The following MFSD6 variants were observed in gnomAD, a reference collection of about 807,000 sequenced individuals.
The protein encoded by MFSD6 is major facilitator superfamily domain-containing protein 6.
In MFSD6, 26 loss-of-function variants were observed where a neutral mutation model predicts 56.3. The ratio of observed to expected loss-of-function variants is 0.46; its 90% confidence interval spans 0.34 to 0.64. MFSD6 has a LOEUF of 0.64. Among genes scored for constraint, MFSD6 ranks in the 30% least tolerant of loss-of-function variants. MFSD6 has a pLI of 0.01. For synonymous variants in MFSD6, 331 were observed against 366.9 expected (o/e 0.90, Z 1.12); for missense variants, 750 against 986.2 (o/e 0.76, Z 3.21).
Position 190,499,546 on chromosome 2 carries a change from G to A in MFSD6, c.2173-469G>A, listed in dbSNP as rs1384784488. Among the ~76,000 whole-genome samples the A allele has an allele frequency of 6.6e-6, 1 of 152,166 alleles. No individual in the cohort carries two copies. The highest frequency in any genetic ancestry group is 1.5e-5 in the Non-Finnish European group (1 of 68,042). ...ATATATATCAGGACTCTTAATTACA[G>A]GACATTCTTTCCCAGCTCTGCCTCC... On this transcript the variant is annotated intron_variant, in intron 7 of 7. Transcript: ENST00000392328. This position sits in a 1 kb window ranked among gnomAD's most constrained non-coding sequence, Gnocchi z 6.0.
chr2:190,434,734 AAC>A lies in MFSD6; in HGVS notation c.-53-1240_-53-1239del, dbSNP rs1024270899. 6.6e-6 allele frequency among the ~76,000 whole-genome samples: 1 copy of A among 152,138 alleles called. No individual in the cohort carries two copies. The highest frequency in any genetic ancestry group is 1.5e-5 in the Non-Finnish European group (1 of 68,014). The stretch of plus-strand genomic sequence containing the variant: ...GGTGTGAGCCACCGCGCCCGGCCAA[AAC>A]ACTGTTTTTCAAAAAAGTTTACTGG... On this transcript the variant is annotated intron_variant, in intron 2 of 7. Coordinates refer to ENST00000392328, the MANE Select transcript of MFSD6 (RefSeq NM_017694.4). The surrounding 1 kb of genome is among the most constrained non-coding windows in gnomAD (Gnocchi z 4.3).
rs554100089 is a variant in MFSD6, at chr2:190,447,310, G to A, written c.1532+9749G>A. Among the ~76,000 whole-genome samples the A allele has an allele frequency of 2.0e-5, 3 of 152,324 alleles. No homozygotes were observed. The South Asian group carries it at 6.2e-4, about 32-fold the overall frequency. ...GCTGGCAATGTTCTGTTAGACATGA[G>A]TGATTGAGCGAAACTGTGAGGTTAG... On this transcript the variant is annotated intron_variant, in intron 3 of 7. Coordinates refer to ENST00000392328, the MANE Select transcript of MFSD6 (RefSeq NM_017694.4). The surrounding 1 kb of genome is among the most constrained non-coding windows in gnomAD (Gnocchi z 4.5).
rs562546134 is a variant in MFSD6 at position 190,492,669 on chromosome 2, C to T, written c.1891+2803C>T. ...CAATGCTAACAAAACAAAACAATTACCAGCCAAGAATTTTGTATCCAGTGA... is the reference window on the plus strand; with the variant it reads ...CAATGCTAACAAAACAAAACAATTATCAGCCAAGAATTTTGTATCCAGTGA... On this transcript the variant is annotated intron_variant, in intron 6 of 7. Coordinates refer to ENST00000392328, the MANE Select transcript of MFSD6 (RefSeq NM_017694.4). This position sits in a 1 kb window ranked among gnomAD's most constrained non-coding sequence, Gnocchi z 5.2. 2.0e-5 allele frequency among the ~76,000 whole-genome samples: 3 copies of T among 152,224 alleles called. No homozygotes were observed. Among genetic ancestry groups the T allele is most frequent in the East Asian group, 1.9e-4 (1 of 5,186 alleles).
In MFSD6 at chr2:190,417,900, A is replaced by G. The variant is rs1690845031; in HGVS notation, c.-54+2487A>G. Among the ~76,000 whole-genome samples, 1 of 151,662 alleles carries G rather than the reference A, an allele frequency of 6.6e-6. No individual in the cohort carries two copies. The highest frequency in any genetic ancestry group is 1.5e-5 in the Non-Finnish European group (1 of 67,978). On this transcript the variant is annotated intron_variant, in intron 2 of 7. Coordinates refer to ENST00000392328, the MANE Select transcript of MFSD6 (RefSeq NM_017694.4). This position sits in a 1 kb window ranked among gnomAD's most constrained non-coding sequence, Gnocchi z 5.7. ...TTGTCCCTAATATCTTTTAGTTAAT[A>G]AATTATATAGGGCTATGTGGCTTTT...
At position 190,489,903 on chromosome 2, in the gene MFSD6, T is replaced by A. The variant is rs1689233292; in HGVS notation, c.1891+37T>A. ...CATTCTTTCTTAATATTCCTAACAG[T>A]TCAGGCCATGGGAAGTCAACAAATG... On this transcript the variant is annotated intron_variant, in intron 6 of 7. Transcript: ENST00000392328. The surrounding 1 kb of genome is among the most constrained non-coding windows in gnomAD (Gnocchi z 6.6). 3 of 1,570,998 alleles carry A rather than the reference T, an allele frequency of 1.9e-6. No homozygotes were observed. Among genetic ancestry groups the A allele is most frequent in the Non-Finnish European group, 8.7e-7 (1 of 1,155,622 alleles).
chr2:190,439,407 C>T lies in MFSD6; in HGVS notation c.1532+1846C>T, dbSNP rs984485767. Among the ~76,000 whole-genome samples the T allele has an allele frequency of 8.6e-5, 13 of 151,848 alleles. No homozygotes were observed. The highest frequency in any genetic ancestry group is 7.7e-4 in the East Asian group (4 of 5,180). On this transcript the variant is annotated intron_variant, in intron 3 of 7. Transcript: ENST00000392328. This position sits in a 1 kb window ranked among gnomAD's most constrained non-coding sequence, Gnocchi z 5.8. ...ATTATACTTTAAGTTTTAGGGTACACGTGCACAACGTGCAGATTTGTTGCA... is the reference window on the plus strand; with the variant it reads ...ATTATACTTTAAGTTTTAGGGTACATGTGCACAACGTGCAGATTTGTTGCA...
chr2:190,480,035 C>T (rs1054915694), intron 4 of MFSD6, among the ~76,000 whole-genome samples: 4 of 152,124 alleles, frequency 2.6e-5, no homozygotes, highest in South Asian at 2.1e-4. Flanking sequence ...TGGTGGCATG[C>T]GCCTGTGGTC....
Position 190,500,405 on chromosome 2 carries a change from A to G in MFSD6, c.*187A>G. 2 of 630,802 alleles carry G rather than the reference A, an allele frequency of 3.2e-6. No homozygotes were observed. The highest frequency in any genetic ancestry group is 5.4e-6 in the Non-Finnish European group (2 of 369,160). The allele number at this position is 630,802 out of a possible 1,614,324, so 39.1% of individuals were successfully genotyped here. ...ACAGTACATATTGGCAGGAAAAGGT[A>G]AACTTTCGTAATCTCATTGGAATTA... On this transcript the variant is annotated 3_prime_UTR_variant, in exon 8 of 8. Coordinates refer to ENST00000392328, the MANE Select transcript of MFSD6 (RefSeq NM_017694.4). The surrounding 1 kb of genome is among the most constrained non-coding windows in gnomAD (Gnocchi z 5.3).
At position 190,433,779 on chromosome 2, in the gene MFSD6, A is replaced by G. The variant is rs1029560366; in HGVS notation, c.-53-2198A>G. On this transcript the variant is annotated intron_variant, in intron 2 of 7. Coordinates refer to ENST00000392328, the MANE Select transcript of MFSD6 (RefSeq NM_017694.4). This position sits in a 1 kb window ranked among gnomAD's most constrained non-coding sequence, Gnocchi z 4.5. ...ACCTAGGAGCTTTGTAGAGATTAAA[A>G]AATGCTTACAAGTATAATTTTAGAA... 2.8e-4 allele frequency among the ~76,000 whole-genome samples: 42 copies of G among 152,356 alleles called. No homozygotes were observed. The highest frequency in any genetic ancestry group is 9.9e-4 in the African/African-American group (41 of 41,582).
rs1685681427 is a variant in MFSD6, at chr2:190,423,095, T to G, written c.-54+7682T>G. Among the ~76,000 whole-genome samples, 1 of 152,246 alleles carries G rather than the reference T, an allele frequency of 6.6e-6. No individual in the cohort carries two copies. The highest frequency in any genetic ancestry group is 2.4e-5 in the African/African-American group (1 of 41,462). ...ATTTTGAGATCATTGTGGATTCACA[T>G]GTAGTTGTTAGAAATAATAGAGCAA... is the stretch of plus-strand genomic sequence containing the variant. On this transcript the variant is annotated intron_variant, in intron 2 of 7. Transcript: ENST00000392328. This position sits in a 1 kb window ranked among gnomAD's most constrained non-coding sequence, Gnocchi z 4.3.
Position 190,490,664 on chromosome 2 carries a change from G to T in MFSD6, c.1891+798G>T, listed in dbSNP as rs1281780182. Among the ~76,000 whole-genome samples, 1 of 152,170 alleles carries T rather than the reference G, an allele frequency of 6.6e-6. No individual in the cohort carries two copies. The highest frequency in any genetic ancestry group is 1.5e-5 in the Non-Finnish European group (1 of 68,036). The stretch of plus-strand genomic sequence containing the variant: ...ATTAAGATTGTTCTACCAAAAGGAG[G>T]TTATATCAAATATTAATATGTAGAT... On this transcript the variant is annotated intron_variant, in intron 6 of 7. Coordinates refer to ENST00000392328, the MANE Select transcript of MFSD6 (RefSeq NM_017694.4). The surrounding 1 kb of genome is among the most constrained non-coding windows in gnomAD (Gnocchi z 4.5).
In MFSD6 at chr2:190,412,915, A is replaced by C. The variant is rs189477811; in HGVS notation, c.-175-2377A>C. Reference sequence around the variant, plus strand: ...GGCTGGGCAACTTTTGGAATCTACCAGTCATTTGTTCAGACAAGTGATGTT... The same window carrying C: ...GGCTGGGCAACTTTTGGAATCTACCCGTCATTTGTTCAGACAAGTGATGTT... On this transcript the variant is annotated intron_variant, in intron 1 of 7. Coordinates refer to ENST00000392328, the MANE Select transcript of MFSD6 (RefSeq NM_017694.4). The surrounding 1 kb of genome is among the most constrained non-coding windows in gnomAD (Gnocchi z 4.1). 6.6e-6 allele frequency among the ~76,000 whole-genome samples: 1 copy of C among 152,356 alleles called. No homozygotes were observed. The highest frequency in any genetic ancestry group is 2.4e-5 in the African/African-American group (1 of 41,578).
intron 4 of MFSD6, among the ~76,000 whole-genome samples, chr2:190,481,146 C>G (rs1442733566): frequency 1.3e-5 from 2 of 152,156 alleles, no homozygotes; most frequent in Non-Finnish European, 2.9e-5. Flanking sequence ...TATAATGTTG[C>G]CAAGTCTTAA....
chr2:190,420,919 T>C (rs1202386671), intron 2 of MFSD6, among the ~76,000 whole-genome samples: 1 of 152,214 alleles, frequency 6.6e-6, no homozygotes, highest in Non-Finnish European at 1.5e-5. Context: ...CATTTATATA[T>C]GGGATACTGA....
In MFSD6 at chr2:190,436,637, A is replaced by G; in HGVS notation, c.608A>G (p.Glu203Gly). ...ATGCGTGAGAAAAGAAACCTTTTGGAAACAAGGCTCAATGTCTCAGACACC... is the reference window on the plus strand; with the variant it reads ...ATGCGTGAGAAAAGAAACCTTTTGGGAACAAGGCTCAATGTCTCAGACACC... ...PKMREKRNLL[E>G]TRLNVSDTVT... is the part of the protein sequence containing the mutation. Residue 203 changes from glutamate to glycine, a missense_variant, in exon 3 of 8, where the codon GAA becomes GGA. Around this residue, in one of 5 missense-constraint regions of MFSD6, gnomAD observed 376 missense variants for 437.9 expected, o/e 0.86. Transcript: ENST00000392328. The surrounding 1 kb of genome is among the most constrained non-coding windows in gnomAD (Gnocchi z 5.3). The G allele has an allele frequency of 6.2e-7, 1 of 1,614,206 alleles. No homozygotes were observed. The highest frequency in any genetic ancestry group is 8.5e-7 in the Non-Finnish European group (1 of 1,180,036).
intron 2 of MFSD6, among the ~76,000 whole-genome samples, chr2:190,420,071 T>A (rs1037569804): frequency 9.2e-5 from 14 of 152,164 alleles, no homozygotes; most frequent in Admixed American, 5.9e-4. Context: ...TTTCTTTTTT[T>A]AAAAAAGCAT....
rs1196262399 is a variant in MFSD6, at chr2:190,431,130, C to T, written c.-53-4847C>T. Among the ~76,000 whole-genome samples the T allele has an allele frequency of 6.6e-6, 1 of 150,538 alleles. No individual in the cohort carries two copies. The highest frequency in any genetic ancestry group is 1.5e-5 in the Non-Finnish European group (1 of 67,570). On this transcript the variant is annotated intron_variant, in intron 2 of 7. Coordinates refer to ENST00000392328, the MANE Select transcript of MFSD6 (RefSeq NM_017694.4). The surrounding 1 kb of genome is among the most constrained non-coding windows in gnomAD (Gnocchi z 4.4). ...CAGGGCGGCGGGGCAGAGGCGCTCCCCACATCTCAGACGATGGGCAGCCAG... is the reference window on the plus strand; with the variant it reads ...CAGGGCGGCGGGGCAGAGGCGCTCCTCACATCTCAGACGATGGGCAGCCAG...
In MFSD6 at chr2:190,489,620, A is replaced by C; in HGVS notation, c.1793-148A>C. The C allele has an allele frequency of 1.5e-6, 1 of 668,568 alleles. No homozygotes were observed. The highest frequency in any genetic ancestry group is 2.5e-6 in the Non-Finnish European group (1 of 396,028). The allele number at this position is 668,568 out of a possible 1,614,324, so 41.4% of individuals were successfully genotyped here. ...CACGTACCCAGCCCTGTGTTTTTCC[A>C]TTATGTGGAGCTAATACCCAACTAC... On this transcript the variant is annotated intron_variant, in intron 5 of 7. Coordinates refer to ENST00000392328, the MANE Select transcript of MFSD6 (RefSeq NM_017694.4). This position sits in a 1 kb window ranked among gnomAD's most constrained non-coding sequence, Gnocchi z 6.6.
chr2:190,482,844 GAGAAGAGTTATTA>G (rs1439988397), intron 4 of MFSD6, among the ~76,000 whole-genome samples: 121 of 140,690 alleles, frequency 8.6e-4, no homozygotes, highest in African/African-American at 2.9e-3. Flanking sequence ...AGAAAGGGTG[GAGAAGAGTTATTA>G]AGACTATCAT....
Sources: allele counts gnomAD v4.1 joint callset (sites outside exome capture counted in the v4.1 genomes callset), GRCh38; gene constraint gnomAD v4.1.1; regional missense constraint gnomAD v4.1.1; non-coding constraint Gnocchi (gnomAD v3.1); transcripts MANE v1.5; gene names NCBI Gene and HGNC (gene_info 2026-07-23, HGNC 2026-07-21).